PLXNA4: variants seen among roughly 807,000 people sequenced by gnomAD.
PLXNA4 encodes the protein plexin-A4.
In PLXNA4, 44 loss-of-function variants were observed where a neutral mutation model predicts 191.8. The observed-to-expected ratio is 0.23, with a 90% CI of 0.18 to 0.29. The LOEUF is 0.29. Ranked by LOEUF, PLXNA4 falls within the 10% of genes least tolerant of loss-of-function variation. The pLI is 1.00. For synonymous variants in PLXNA4, 1,082 were observed against 1,009.5 expected (o/e 1.07, Z -1.36); for missense variants, 1,800 against 2,488.8 (o/e 0.72, Z 5.89).
chr7:132,514,527 A>T (rs1798863042), intron 1 of PLXNA4, among the ~76,000 whole-genome samples: 1 of 152,138 alleles, frequency 6.6e-6, no homozygotes, highest in Non-Finnish European at 1.5e-5. Flanking sequence ...GTGTCTTGGG[A>T]TAAGATTAAC....
chr7:132,130,649 G>T, intron 31 of PLXNA4, 75 bp from the exon 32 acceptor site: 1 of 1,604,252 alleles, frequency 6.2e-7, no homozygotes. Context: ...CACAAAGATG[G>T]TGTGGATGTG....
At chr7:132,469,132 AAAAAAAAGAAAG>A (rs1346427450) in intron 3 of PLXNA4, among the ~76,000 whole-genome samples, 3 of 150,722 alleles carry the variant, frequency 2.0e-5, no homozygotes, top group Non-Finnish European at 2.9e-5. Flanking sequence ...AAAAAAAAAA[AAAAAAAAGAAAG>A]AAAGAAAGAA....
Position 132,221,109 on chromosome 7 carries a change from A to G in PLXNA4, c.2097+2418T>C, listed in dbSNP as rs189694033. ...AGTGATCCTCCCACCTTGGCCTGCC[A>G]AAGTGCTGGTACTACCACGCCTGGC... On this transcript the variant is annotated intron_variant, in intron 9 of 31. Coordinates refer to ENST00000321063, the MANE Select transcript of PLXNA4 (RefSeq NM_020911.2). 7.8e-3 allele frequency among the ~76,000 whole-genome samples: 1,192 copies of G among 152,216 alleles called. 5 individuals are homozygous for G. The highest frequency in any genetic ancestry group is 0.014 in the Middle Eastern group (4 of 294).
chr7:132,467,326 A>T (rs1796745411), intron 3 of PLXNA4, among the ~76,000 whole-genome samples: 2 of 152,186 alleles, frequency 1.3e-5, no homozygotes, highest in Admixed American at 1.3e-4. Flanking sequence ...CCTCACAGCC[A>T]AGGTGACCCA....
intron 11 of PLXNA4, 23 bp from the exon 12 acceptor site, chr7:132,202,859 C>T: frequency 6.6e-7 from 1 of 1,524,314 alleles, no homozygotes; most frequent in Non-Finnish European, 8.8e-7. Flanking sequence ...AGGGCAAGGA[C>T]AAGGGGTGCT....
intron 2 of PLXNA4, among the ~76,000 whole-genome samples, chr7:132,598,677 A>AATTCCTGTG (rs1563190827): frequency 3.9e-5 from 6 of 152,148 alleles, no homozygotes; most frequent in African/African-American, 1.4e-4. Context: ...AATTCTAAAT[A>AATTCCTGTG]ACAGTGCTCT....
At chr7:132,500,987 A>G (rs1700331304) in intron 2 of PLXNA4, among the ~76,000 whole-genome samples, 1 of 152,308 alleles carries the variant, frequency 6.6e-6, no homozygotes, top group African/African-American at 2.4e-5. Context: ...AATTGAAGGG[A>G]AGGCCCAGAA....
intron 2 of PLXNA4, among the ~76,000 whole-genome samples, chr7:132,598,561 T>A (rs2116836926): frequency 6.6e-6 from 1 of 150,524 alleles, no homozygotes; most frequent in Non-Finnish European, 1.5e-5. Context: ...ATATACTTGT[T>A]AGTTGTTAAG....
intron 24 of PLXNA4, among the ~76,000 whole-genome samples, chr7:132,160,519 C>T (rs1795918747): frequency 6.6e-6 from 1 of 152,142 alleles, no homozygotes; most frequent in Non-Finnish European, 1.5e-5. Context: ...TCGACGGCAC[C>T]GTGTGGGCTC....
At chr7:132,379,456 C>T (rs1804801717) in intron 3 of PLXNA4, among the ~76,000 whole-genome samples, 1 of 152,212 alleles carries the variant, frequency 6.6e-6, no homozygotes, top group Non-Finnish European at 1.5e-5. Flanking sequence ...GTCTGAGAAG[C>T]ATTCCTTTCT....
chr7:132,446,503 G>A (rs1226178238), intron 3 of PLXNA4, among the ~76,000 whole-genome samples: 1 of 152,132 alleles, frequency 6.6e-6, no homozygotes, highest in East Asian at 1.9e-4. Context: ...TTTTCAAATG[G>A]CCCAGCTGCC....
chr7:132,323,538 C>T (rs987526961), intron 3 of PLXNA4, among the ~76,000 whole-genome samples: 2 of 152,196 alleles, frequency 1.3e-5, no homozygotes, highest in South Asian at 2.1e-4. Context: ...TCTAGGCACT[C>T]TCCCTCCAAA....
intron 9 of PLXNA4, among the ~76,000 whole-genome samples, chr7:132,222,646 T>C (rs1481928924): frequency 6.6e-6 from 1 of 152,190 alleles, no homozygotes; most frequent in South Asian, 2.1e-4. Flanking sequence ...GAGTCCAATA[T>C]TGGCTGAGAG....
chr7:132,171,565 G>A (rs527889201), intron 21 of PLXNA4, among the ~76,000 whole-genome samples: 2 of 152,324 alleles, frequency 1.3e-5, no homozygotes, highest in African/African-American at 4.8e-5. Context: ...TAGAGAGGTG[G>A]AAGAGGACAT....
At chr7:132,597,576 T>TATTCATTC (rs10573562) in intron 2 of PLXNA4, among the ~76,000 whole-genome samples, 92 of 150,010 alleles carry the variant, frequency 6.1e-4, no homozygotes, top group African/African-American at 2.2e-3. Flanking sequence ...TCTCTCCTTT[T>TATTCATTC]ATTCATTCAT....
intron 1 of PLXNA4, among the ~76,000 whole-genome samples, chr7:132,570,652 A>G (rs139459021): frequency 0.012 from 1,820 of 152,214 alleles, 16 homozygotes; most frequent in Non-Finnish European, 0.018. Flanking sequence ...CTCTCCTCAT[A>G]CTTCATAATG....
chr7:132,284,043 G>C (rs1416680598), intron 4 of PLXNA4, among the ~76,000 whole-genome samples: 5 of 152,044 alleles, frequency 3.3e-5, no homozygotes, highest in Admixed American at 2.0e-4. Context: ...AGAGAGAAAG[G>C]GCACCTGTAG....
intron 3 of PLXNA4, chr7:132,484,935 C>T (rs560308006): frequency 1.2e-6 from 2 of 1,614,160 alleles, no homozygotes; most frequent in East Asian, 2.2e-5. Context: ...TCCTGAGAAG[C>T]AATGTTCGCC....
chr7:132,129,284 G>T lies in PLXNA4; in HGVS notation c.*1195C>A, dbSNP rs1441730619. The T allele has an allele frequency of 6.6e-6, 1 of 152,272 alleles. No homozygotes were observed. Among genetic ancestry groups the T allele is most frequent in the African/African-American group, 2.4e-5 (1 of 41,470 alleles). 9.4% of individuals were successfully genotyped at this position (152,272 alleles called of 1,614,324 possible). On this transcript the variant is annotated 3_prime_UTR_variant, in exon 32 of 32. Transcript: ENST00000321063. ...GGAAGGAGAATGATGAGAGACAGCT[G>T]AGATGTTGATGAAATCATTCCCAAA...
Sources: allele counts gnomAD v4.1 joint callset (sites outside exome capture counted in the v4.1 genomes callset), GRCh38; gene constraint gnomAD v4.1.1; transcripts MANE v1.5; gene names NCBI Gene and HGNC (gene_info 2026-07-23, HGNC 2026-07-21).